The following FCHSD2 variants were observed in gnomAD, a reference collection of about 807,000 sequenced individuals.
FCHSD2 encodes FCH and double SH3 domains 2, also known as F-BAR and double SH3 domains protein 2.
Under a neutral mutation model 108.1 loss-of-function variants are expected in FCHSD2, and 38 were observed. That is an observed-to-expected ratio of 0.35 (90% CI 0.27 to 0.46). FCHSD2 has a LOEUF of 0.46. Ranked by LOEUF, FCHSD2 falls within the 20% of genes least tolerant of loss-of-function variation. The pLI is 1.00. For missense variants in FCHSD2, 751 were observed against 897.8 expected (o/e 0.84, Z 2.09); for synonymous variants, 279 against 314.7 (o/e 0.89, Z 1.20).
In FCHSD2 at chr11:73,011,239, AG is replaced by A. The variant is rs1441541185; in HGVS notation, c.242+4569del. Reference sequence around the variant, plus strand: ...TGTGCAGGTGCCAGCCATGGTAGGCAGGGGCAGGCTGATCCCTAGGCCACTG... The same window carrying A: ...TGTGCAGGTGCCAGCCATGGTAGGCAGGGCAGGCTGATCCCTAGGCCACTG... On this transcript the variant is annotated intron_variant, in intron 4 of 19. Coordinates refer to ENST00000409418, the MANE Select transcript of FCHSD2 (RefSeq NM_014824.3). Among the ~76,000 whole-genome samples, 54 of 152,108 alleles carry A rather than the reference AG, an allele frequency of 3.6e-4. 1 individual carries two copies. Among genetic ancestry groups the A allele is most frequent in the Non-Finnish European group, 5.9e-5 (4 of 67,988 alleles).
At chr11:73,019,983 A>C (rs960596370) in intron 3 of FCHSD2, among the ~76,000 whole-genome samples, 3 of 152,180 alleles carry the variant, frequency 2.0e-5, no homozygotes, top group African/African-American at 7.2e-5. Flanking sequence ...TGGTCCACTA[A>C]ACATAATATT....
intron 3 of FCHSD2, among the ~76,000 whole-genome samples, chr11:73,053,151 T>TC (rs1858942041): frequency 6.6e-6 from 1 of 150,940 alleles, no homozygotes; most frequent in Admixed American, 6.6e-5. Flanking sequence ...CAGCCTTTTT[T>TC]TTTTTTTTTT....
chr11:72,905,437 T>C (rs1855608381), intron 9 of FCHSD2, among the ~76,000 whole-genome samples: 1 of 152,322 alleles, frequency 6.6e-6, no homozygotes, highest in South Asian at 2.1e-4. Flanking sequence ...AATCCAATTA[T>C]ACTTTTTTAT....
Position 73,134,029 on chromosome 11 carries a change from C to T in FCHSD2, c.119+6002G>A, listed in dbSNP as rs185161814. ...TGAATGGTACACTTTAAATGGGATA[C>T]GTAATCATATATGATATACAGTCAC... On this transcript the variant is annotated intron_variant, in intron 2 of 19. Transcript: ENST00000409418. Among the ~76,000 whole-genome samples the T allele has an allele frequency of 1.3e-4, 19 of 151,518 alleles. 1 individual carries two copies. The highest frequency in any genetic ancestry group is 5.3e-4 in the Admixed American group (8 of 15,224).
chr11:72,880,452 T>C (rs918592873), intron 12 of FCHSD2, among the ~76,000 whole-genome samples: 16 of 152,200 alleles, frequency 1.1e-4, no homozygotes, highest in South Asian at 4.2e-4. Context: ...AATGTACTTA[T>C]AGCCAACCAA....
At chr11:73,038,656 T>C (rs552273010) in intron 3 of FCHSD2, among the ~76,000 whole-genome samples, 13 of 152,098 alleles carry the variant, frequency 8.5e-5, no homozygotes, top group Admixed American at 3.9e-4. Flanking sequence ...TGAATACAAA[T>C]GGACATAAAC....
At chr11:72,885,327 C>T (rs1253914069) in intron 12 of FCHSD2, among the ~76,000 whole-genome samples, 1 of 152,152 alleles carries the variant, frequency 6.6e-6, no homozygotes, top group Non-Finnish European at 1.5e-5. Flanking sequence ...TTTTAGCATA[C>T]TATATTCAAC....
intron 8 of FCHSD2, among the ~76,000 whole-genome samples, chr11:72,959,598 A>G (rs1856785194): frequency 6.6e-6 from 1 of 152,128 alleles, no homozygotes; most frequent in South Asian, 2.1e-4. Flanking sequence ...GGTTGCTTCT[A>G]CAGTCAGTCA....
At chr11:73,093,757 A>G (rs1175887002) in intron 2 of FCHSD2, among the ~76,000 whole-genome samples, 1 of 152,050 alleles carries the variant, frequency 6.6e-6, no homozygotes, top group Non-Finnish European at 1.5e-5. Context: ...ATGCACCACC[A>G]TGCCGAGCTA....
intron 5 of FCHSD2, among the ~76,000 whole-genome samples, chr11:72,996,476 C>G (rs1242111885): frequency 2.6e-5 from 4 of 152,156 alleles, no homozygotes; most frequent in Admixed American, 2.6e-4. Flanking sequence ...TGGCAAAAAG[C>G]CTTAAGTTAT....
rs60989366 is a variant in FCHSD2 at position 72,847,690 on chromosome 11, CTTTTTTTTT to C, written c.1443+2056_1443+2064del. 8.2e-4 allele frequency among the ~76,000 whole-genome samples: 106 copies of C among 129,064 alleles called. 1 individual carries two copies. Among genetic ancestry groups the C allele is most frequent in the Non-Finnish European group, 2.8e-4 (17 of 60,202 alleles). The allele number at this position is 129,064 out of a possible 152,430, so 84.7% of individuals were successfully genotyped here. A position where few individuals can be genotyped will look rare whatever the true frequency, so the allele number is the denominator to read the frequency against. On this transcript the variant is annotated intron_variant, in intron 14 of 19. Transcript: ENST00000409418. The stretch of plus-strand genomic sequence containing the variant: ...CATTCTTAAGGCTTTTGACTCTAAC[CTTTTTTTTT>C]TTTTTTTTTTTGAGACAGAGTCTCG...
rs575115143 is a variant in FCHSD2 at position 72,912,618 on chromosome 11, C to A, written c.828+9210G>T. ...ATGTGTCTTTGTCTGATTTTGGTAT[C>A]AGGGTAATGCTGGCCTTAGAGAATG... On this transcript the variant is annotated intron_variant, in intron 9 of 19. Coordinates refer to ENST00000409418, the MANE Select transcript of FCHSD2 (RefSeq NM_014824.3). Among the ~76,000 whole-genome samples the A allele has an allele frequency of 2.0e-5, 3 of 152,182 alleles. No homozygotes were observed. In the East Asian group the frequency reaches 5.8e-4, roughly 29 times the overall value.
At chr11:72,859,778 A>C (rs139907370) in intron 13 of FCHSD2, among the ~76,000 whole-genome samples, 4 of 152,342 alleles carry the variant, frequency 2.6e-5, no homozygotes, top group Non-Finnish European at 4.4e-5. Flanking sequence ...GGCTAGAAGC[A>C]CTAAAAAGGA....
intron 5 of FCHSD2, among the ~76,000 whole-genome samples, chr11:72,996,176 G>C (rs1214839703): frequency 1.3e-5 from 2 of 152,084 alleles, no homozygotes; most frequent in African/African-American, 4.8e-5. Context: ...TAAAAGCATT[G>C]TACAGGATTT....
At chr11:72,915,264 G>C (rs1252409275) in intron 9 of FCHSD2, among the ~76,000 whole-genome samples, 4 of 152,144 alleles carry the variant, frequency 2.6e-5, no homozygotes. Flanking sequence ...TGGCAAGGTT[G>C]TGGAGAAAAA....
At chr11:72,895,547 G>A (rs1360242101) in intron 10 of FCHSD2, among the ~76,000 whole-genome samples, 3 of 152,110 alleles carry the variant, frequency 2.0e-5, no homozygotes, top group Non-Finnish European at 4.4e-5. Flanking sequence ...GGAACTTTCA[G>A]GCTCCTATTG....
At chr11:72,945,733 A>T (rs1277368701) in intron 8 of FCHSD2, among the ~76,000 whole-genome samples, 1 of 152,248 alleles carries the variant, frequency 6.6e-6, no homozygotes, top group Non-Finnish European at 1.5e-5. Context: ...AAAGTGGGCA[A>T]AGGATATGAA....
chr11:72,882,015 G>T (rs1039701454), intron 12 of FCHSD2, among the ~76,000 whole-genome samples: 8 of 151,934 alleles, frequency 5.3e-5, no homozygotes, highest in African/African-American at 1.7e-4. Context: ...TGTGGTGGCG[G>T]GCGCCTGTAG....
intron 8 of FCHSD2, among the ~76,000 whole-genome samples, chr11:72,973,851 C>G (rs1857055105): frequency 6.6e-6 from 1 of 152,228 alleles, no homozygotes; most frequent in South Asian, 2.1e-4. Flanking sequence ...TAGCCACATT[C>G]ATGGCTGCAC....
Sources: allele counts gnomAD v4.1 joint callset (sites outside exome capture counted in the v4.1 genomes callset), GRCh38; gene constraint gnomAD v4.1.1; transcripts MANE v1.5; gene names NCBI Gene and HGNC (gene_info 2026-07-23, HGNC 2026-07-21).